Variants in SH3PXD2B observed in about 807,000 individuals in gnomAD.
The protein encoded by SH3PXD2B is SH3 and PX domain-containing protein 2B.
A neutral mutation model predicts 73.1 loss-of-function variants in SH3PXD2B; 37 were observed. The ratio of observed to expected loss-of-function variants is 0.51; its 90% CI spans 0.39 to 0.67. The LOEUF is 0.67. Among genes scored for constraint, SH3PXD2B ranks in the 30% least tolerant of loss-of-function variants. The probability of loss-of-function intolerance (pLI) is 0.00; values close to 1 mark genes in which losing one functional copy is unlikely to be tolerated. For synonymous variants in SH3PXD2B, 457 were observed against 480.5 expected (o/e 0.95, Z 0.64); for missense variants, 1,053 against 1,197.8 (o/e 0.88, Z 1.78).
intron 10 of SH3PXD2B, among the ~76,000 whole-genome samples, chr5:172,348,396 T>C (rs1052926396): frequency 7.9e-5 from 12 of 152,016 alleles, no homozygotes; most frequent in East Asian, 1.9e-4. Flanking sequence ...CTGCTTTTCA[T>C]TGGCTGGACT....
chr5:172,396,377 C>CAAAAAAAAAAAAAAAAAAAA (rs1241312065), intron 3 of SH3PXD2B, among the ~76,000 whole-genome samples: 1 of 135,544 alleles, frequency 7.4e-6, no homozygotes, highest in South Asian at 2.3e-4. Context: ...GACTCCGTCT[C>CAAAAAAAAAAAAAAAAAAAA]AAAAAAAAAA....
In SH3PXD2B at chr5:172,454,379, G is replaced by C; in HGVS notation, c.-27C>G. The C allele has an allele frequency of 7.1e-7, 1 of 1,403,894 alleles. No individual in the cohort carries two copies. Among genetic ancestry groups the C allele is most frequent in the Non-Finnish European group, 9.3e-7 (1 of 1,078,642 alleles). 87.0% of individuals were successfully genotyped at this position (1,403,894 alleles called of 1,614,324 possible). A position where few individuals can be genotyped will look rare whatever the true frequency, so the allele number is the denominator to read the frequency against. ...GCCGCTCCTCCGCCCGCAGCGGGCC[G>C]AGCGCGGGTGCGGGTGGCGCGGGGT... is the stretch of plus-strand genomic sequence containing the variant. On this transcript the variant is annotated 5_prime_UTR_variant, in exon 1 of 13. Transcript: ENST00000311601.
chr5:172,397,208 C>T (rs1347780638), intron 3 of SH3PXD2B, among the ~76,000 whole-genome samples: 1 of 152,120 alleles, frequency 6.6e-6, no homozygotes, highest in Non-Finnish European at 1.5e-5. Flanking sequence ...GAAATAAGCT[C>T]CGGTCTCCTG....
intron 12 of SH3PXD2B, among the ~76,000 whole-genome samples, chr5:172,343,748 C>G (rs544837369): frequency 1.3e-5 from 2 of 151,306 alleles, no homozygotes; most frequent in Non-Finnish European, 2.9e-5. Flanking sequence ...GAGGTTGCAG[C>G]GAGCCAAGAT....
rs112710819 is a variant in SH3PXD2B, at chr5:172,335,777, C to T, written c.*2592G>A. ...TAGGAGAGTGACTGGCCACCCTGAC[C>T]CACCCACTGCCTGGGGAAGTGTCTA... On this transcript the variant is annotated 3_prime_UTR_variant, in exon 13 of 13. Coordinates refer to ENST00000311601, the MANE Select transcript of SH3PXD2B (RefSeq NM_001017995.3). The T allele has an allele frequency of 8.6e-4, 1,057 of 1,230,296 alleles. 6 individuals carry two copies. In the African/African-American group the frequency reaches 0.015, roughly 18 times the overall value. 76.2% of individuals were successfully genotyped at this position (1,230,296 alleles called of 1,614,324 possible).
At chr5:172,352,955 G>A (rs2113295855) in intron 9 of SH3PXD2B, among the ~76,000 whole-genome samples, 2 of 152,128 alleles carry the variant, frequency 1.3e-5, no homozygotes, top group East Asian at 3.9e-4. Flanking sequence ...AAGCCTTCCT[G>A]ACCCCCAGGC....
intron 1 of SH3PXD2B, among the ~76,000 whole-genome samples, chr5:172,446,571 G>A (rs1267324342): frequency 6.6e-6 from 1 of 152,226 alleles, no homozygotes; most frequent in Non-Finnish European, 1.5e-5. Context: ...TGAGTGTCAC[G>A]GCGGGAACGG....
intron 1 of SH3PXD2B, among the ~76,000 whole-genome samples, chr5:172,431,929 C>T (rs1248227664): frequency 1.3e-5 from 2 of 152,150 alleles, no homozygotes; most frequent in Admixed American, 6.5e-5. Flanking sequence ...GTAGTCCTAG[C>T]ACTTTGAGAG....
At position 172,439,692 on chromosome 5, in the gene SH3PXD2B, G is replaced by GCACACACACA. The variant is rs367799974; in HGVS notation, c.75+14576_75+14585dup. ...TGTGCGTGCGTGCGCGCACGCGCGC[G>GCACACACACA]CACACACACACACACACACACACAC... On this transcript the variant is annotated intron_variant, in intron 1 of 12. Coordinates refer to ENST00000311601, the MANE Select transcript of SH3PXD2B (RefSeq NM_001017995.3). 4.4e-3 allele frequency among the ~76,000 whole-genome samples: 610 copies of GCACACACACA among 138,564 alleles called. 2 individuals carry two copies. The highest frequency in any genetic ancestry group is 5.6e-3 in the Non-Finnish European group (360 of 64,242). The allele number at this position is 138,564 out of a possible 152,430, so 90.9% of individuals were successfully genotyped here.
chr5:172,331,687 C>G (rs1756559049), downstream of SH3PXD2B, among the ~76,000 whole-genome samples: 2 of 152,210 alleles, frequency 1.3e-5, no homozygotes, highest in African/African-American at 4.8e-5. Flanking sequence ...CACGGTGGCT[C>G]ATGCCTGTAA....
chr5:172,450,128 T>C (rs1759762849), intron 1 of SH3PXD2B, among the ~76,000 whole-genome samples: 2 of 152,168 alleles, frequency 1.3e-5, no homozygotes. Context: ...TGCATTGTGG[T>C]GACGGTTGCA....
intron 10 of SH3PXD2B, among the ~76,000 whole-genome samples, chr5:172,348,690 T>TCTATCTATCTATCTATC (rs1757078139): frequency 2.5e-5 from 1 of 40,460 alleles, no homozygotes; most frequent in Admixed American, 3.0e-4. Context: ...TATCTATCTA[T>TCTATCTATCTATCTATC]CTATCTATCT....
intron 2 of SH3PXD2B, 76 bp from the exon 3 acceptor site, chr5:172,406,428 T>G: frequency 6.6e-7 from 1 of 1,507,944 alleles, no homozygotes; most frequent in Non-Finnish European, 9.2e-7. Flanking sequence ...TTTAAAGAAA[T>G]TATGTGAAAT....
At chr5:172,454,077 A>C (rs1242010478) in intron 1 of SH3PXD2B, among the ~76,000 whole-genome samples, 1 of 132,508 alleles carries the variant, frequency 7.5e-6, no homozygotes, top group African/African-American at 2.8e-5. Flanking sequence ...GAGGGGGAGA[A>C]CGAGGCAAAA....
In SH3PXD2B at chr5:172,335,253, T is replaced by C. The variant is rs1035263864; in HGVS notation, c.*3116A>G. 10 of 1,078,990 alleles carry C rather than the reference T, an allele frequency of 9.3e-6. No individual in the cohort carries two copies. Among genetic ancestry groups the C allele is most frequent in the Middle Eastern group, 4.1e-4 (1 of 2,464 alleles). 66.8% of individuals were successfully genotyped at this position (1,078,990 alleles called of 1,614,324 possible). The stretch of plus-strand genomic sequence containing the variant: ...CAGGGGTGAGGGGAAGAAAAAAAAA[T>C]CTCTGCCCACCTTTTGGGCTGCCAT... On this transcript the variant is annotated 3_prime_UTR_variant, in exon 13 of 13. Transcript: ENST00000311601.
At chr5:172,390,732 A>T (rs1231130297) in intron 4 of SH3PXD2B, among the ~76,000 whole-genome samples, 1 of 151,924 alleles carries the variant, frequency 6.6e-6, no homozygotes, top group Non-Finnish European at 1.5e-5. Flanking sequence ...AATTCGCTTG[A>T]GTATATACCT....
chr5:172,373,561 G>A (rs935804511), intron 6 of SH3PXD2B, among the ~76,000 whole-genome samples: 2 of 149,244 alleles, frequency 1.3e-5, no homozygotes, highest in African/African-American at 2.5e-5. Flanking sequence ...ATGGGATGGG[G>A]TATCAACCAA....
chr5:172,326,874 T>G (rs2113209682), intron 12 of SH3PXD2B, among the ~76,000 whole-genome samples: 1 of 150,290 alleles, frequency 6.7e-6, no homozygotes, highest in South Asian at 2.1e-4. Flanking sequence ...TTTTTTTTTT[T>G]GCGACAGAGT....
Position 172,454,481 on chromosome 5 carries a change from A to T in SH3PXD2B, c.-129T>A. ...GCAATCGCAGCCGGGGCCGAGCACG[A>T]GCCGCCGCCGCCACCGCCGCCGCCC... On this transcript the variant is annotated 5_prime_UTR_variant, in exon 1 of 13. Transcript: ENST00000311601. 1 of 320,132 alleles carries T rather than the reference A, an allele frequency of 3.1e-6. No homozygotes were observed. 19.8% of individuals were successfully genotyped at this position (320,132 alleles called of 1,614,324 possible). A position where few individuals can be genotyped will look rare whatever the true frequency, so the allele number is the denominator to read the frequency against.
Sources: allele counts gnomAD v4.1 joint callset (sites outside exome capture counted in the v4.1 genomes callset), GRCh38; gene constraint gnomAD v4.1.1; transcripts MANE v1.5; gene names NCBI Gene and HGNC (gene_info 2026-07-23, HGNC 2026-07-21).